The following PRRT4 variants were observed in gnomAD, a reference collection of about 807,000 sequenced individuals.
PRRT4 encodes proline rich transmembrane protein 4.
PRRT4 carries 59 observed loss-of-function variants against 55.6 expected under a neutral mutation model. That is an observed-to-expected ratio of 1.06 (90% confidence interval 0.86 to 1.32). PRRT4 has a LOEUF of 1.32. Among genes scored for constraint, PRRT4 ranks in the 40% most tolerant of loss-of-function variants. The pLI, the probability that PRRT4 is intolerant of heterozygous loss-of-function variation, is 0.00. For synonymous variants in PRRT4, 606 were observed against 601.8 expected (o/e 1.01, Z -0.10); for missense variants, 1,217 against 1,222.0 (o/e 1.00, Z 0.06).
Position 128,358,705 on chromosome 7 carries a change from C to T in PRRT4, c.853G>A (p.Ala285Thr), listed in dbSNP as rs1562969159. The stretch of plus-strand genomic sequence containing the variant: ...CCTAATGATGTTGTTGCAATCGAGG[C>T]AAAACTTAGGGAAGCAGCTGGGTCC... The change falls in exon 4 of 5, where the codon GCC (alanine) becomes ACC (threonine). Residue 285 changes from alanine to threonine, a missense_variant. By Grantham distance (58) the Ala-to-Thr change is moderately conservative. This residue lies in a region of PRRT4 where 564 missense variants were observed against 592.9 expected (regional missense o/e 0.95). Coordinates refer to ENST00000535159, the Ensembl canonical transcript of PRRT4. This position sits in a 1 kb window ranked among gnomAD's most constrained non-coding sequence, Gnocchi z 4.4. The T allele has an allele frequency of 5.2e-6, 8 of 1,551,694 alleles. No homozygotes were observed. Among genetic ancestry groups the T allele is most frequent in the Non-Finnish European group, 6.1e-6 (7 of 1,146,992 alleles).
downstream of PRRT4, chr7:128,350,840 C>T (rs1229023698): frequency 1.3e-6 from 2 of 1,549,334 alleles, no homozygotes; most frequent in Non-Finnish European, 8.7e-7. Flanking sequence ...CGCAGGGTAG[C>T]AAGGTGGCCA....
chr7:128,351,221 C>A lies in PRRT4; in HGVS notation c.2335G>T (p.Glu779Ter). 1.9e-6 allele frequency: 3 copies of A among 1,540,100 alleles called. No homozygotes were observed. The highest frequency in any genetic ancestry group is 2.6e-6 in the Non-Finnish European group (3 of 1,146,592). The change falls in exon 5 of 5, where the codon GAG (glutamate) becomes TAG (stop). Residue 779 changes from glutamate (E) to a stop codon, truncating the protein, a stop_gained. Coordinates refer to ENST00000535159, the Ensembl canonical transcript of PRRT4. LOFTEE classifies it high-confidence loss of function. The stretch of plus-strand genomic sequence containing the variant: ...GGGGGCGCAGCGGGGCCAGAGGCCT[C>A]CCCTGATCTCTCACTGGCCCTGCCC...
At chr7:128,359,722 G>A in exon 2 of PRRT4, 1 of 1,551,546 alleles carries the variant, frequency 6.4e-7, no homozygotes, top group Non-Finnish European at 8.7e-7. Flanking sequence ...TCAGCCCACT[G>A]GCCACCTCTT....
chr7:128,354,959 T>C (rs970684095), intron 4 of PRRT4, among the ~76,000 whole-genome samples: 7 of 152,220 alleles, frequency 4.6e-5, no homozygotes, highest in African/African-American at 1.2e-4. Flanking sequence ...TGTGTCGTTA[T>C]CATGATCATC....
chr7:128,351,543 G>T (rs2116439396), exon 5 of PRRT4: 1 of 1,482,398 alleles, frequency 6.7e-7, no homozygotes, highest in Non-Finnish European at 8.9e-7. Context: ...GCAGCTCCGC[G>T]TCCCCGCGAG....
At chr7:128,361,463 G>GC in intron 1 of PRRT4, 41 bp from the exon 2 acceptor site, 1 of 153,368 alleles carries the variant, frequency 6.5e-6, no homozygotes, top group South Asian at 1.8e-4. Context: ...CGGACCTCCA[G>GC]CCCCCGGCGG....
rs1562969828 is a variant in PRRT4 at position 128,359,555 on chromosome 7, TA to T, written c.436del (p.Tyr146IlefsTer8). ...GGTCACAGTGCTCCTCCTGGGCTGA[TA>T]GGGGGCAGTGGGCCCATCGCTGGGC... On this transcript the variant is annotated frameshift_variant, in exon 2 of 5. Coordinates refer to ENST00000535159, the Ensembl canonical transcript of PRRT4. LOFTEE classifies it high-confidence loss of function. 13 of 1,492,092 alleles carry T rather than the reference TA, an allele frequency of 8.7e-6. No homozygotes were observed. Among genetic ancestry groups the T allele is most frequent in the African/African-American group, 1.4e-5 (1 of 70,940 alleles). The allele number at this position is 1,492,092 out of a possible 1,614,324, so 92.4% of individuals were successfully genotyped here. A position where few individuals can be genotyped will look rare whatever the true frequency, so the allele number is the denominator to read the frequency against.
chr7:128,357,236 ACTCTCTCTCTCTCT>A (rs60699919), intron 4 of PRRT4, among the ~76,000 whole-genome samples: 27 of 140,886 alleles, frequency 1.9e-4, no homozygotes, highest in Non-Finnish European at 2.5e-4. Context: ...ACACACACAC[ACTCTCTCTCTCTCT>A]CTCTCTCTCT....
intron 4 of PRRT4, among the ~76,000 whole-genome samples, chr7:128,357,381 G>C (rs1468934364): frequency 6.6e-6 from 1 of 152,080 alleles, no homozygotes; most frequent in African/African-American, 2.4e-5. Flanking sequence ...AGGGAGGAGG[G>C]GGAATGAGGT....
At position 128,352,290 on chromosome 7, in the gene PRRT4, A is replaced by T; in HGVS notation, c.1266T>A (p.Tyr422Ter). 6.5e-7 allele frequency: 1 copy of T among 1,543,632 alleles called. No homozygotes were observed. Among genetic ancestry groups the T allele is most frequent in the South Asian group, 1.2e-5 (1 of 84,042 alleles). The stretch of plus-strand genomic sequence containing the variant: ...GCGCGGGCAGTCGATCCCTGTGCCC[A>T]TAGGCGTCGTAGAAGAGCGGGAAGG... The change falls in exon 5 of 5, where the codon TAT becomes TAA. Residue 422 changes from tyrosine (Y) to a stop codon, truncating the protein, a stop_gained. Coordinates refer to ENST00000535159, the Ensembl canonical transcript of PRRT4. LOFTEE classifies it high-confidence loss of function.
At chr7:128,360,708 T>C (rs1281646797) in intron 1 of PRRT4, among the ~76,000 whole-genome samples, 7 of 148,600 alleles carry the variant, frequency 4.7e-5, no homozygotes, top group African/African-American at 1.7e-4. Flanking sequence ...TTCCCTTCCC[T>C]AGGACCCTTG....
intron 4 of PRRT4, among the ~76,000 whole-genome samples, chr7:128,355,915 A>C (rs1021019682): frequency 2.6e-5 from 4 of 152,118 alleles, no homozygotes; most frequent in African/African-American, 4.8e-5. Flanking sequence ...AGGAAACCTT[A>C]TCTCTCATCT....
At chr7:128,351,224 C>T in exon 5 of PRRT4, 1 of 1,540,114 alleles carries the variant, frequency 6.5e-7, no homozygotes, top group Admixed American at 2.0e-5. Context: ...GAGGCCTCCC[C>T]TGATCTCTCA....
exon 5 of PRRT4, chr7:128,352,381 CACCGCCAGGGCA>C: frequency 6.6e-7 from 1 of 1,524,330 alleles, no homozygotes; most frequent in Non-Finnish European, 8.8e-7. Flanking sequence ...GCCGGGCGGG[CACCGCCAGGGCA>C]AGAGGGCCAG....
intron 4 of PRRT4, among the ~76,000 whole-genome samples, chr7:128,353,817 T>G (rs1797052894): frequency 6.6e-6 from 1 of 152,208 alleles, no homozygotes; most frequent in Non-Finnish European, 1.5e-5. Flanking sequence ...GTTTGCTATC[T>G]TGGGTCCCTA....
intron 4 of PRRT4, among the ~76,000 whole-genome samples, chr7:128,356,750 A>G (rs1797119545): frequency 6.6e-6 from 1 of 152,222 alleles, no homozygotes; most frequent in South Asian, 2.1e-4. Flanking sequence ...CTGATTATCC[A>G]CCAGCTGCCC....
exon 5 of PRRT4, chr7:128,351,617 G>C (rs1407983608): frequency 6.6e-7 from 1 of 1,510,544 alleles, no homozygotes; most frequent in South Asian, 1.2e-5. Context: ...GGCAGCAGCG[G>C]AGCCGCGTGG....
chr7:128,357,272 G>C (rs185487714), intron 4 of PRRT4, among the ~76,000 whole-genome samples: 2 of 137,852 alleles, frequency 1.5e-5, no homozygotes, highest in Non-Finnish European at 1.6e-5. Context: ...TCTCTCTGCT[G>C]GCAAGAGCAA....
chr7:128,350,834 G>A (rs1562964690), downstream of PRRT4: 4 of 1,548,464 alleles, frequency 2.6e-6, no homozygotes, highest in Admixed American at 2.0e-5. Context: ...GCATATCGCA[G>A]GGTAGCAAGG....
Sources: allele counts gnomAD v4.1 joint callset (sites outside exome capture counted in the v4.1 genomes callset), GRCh38; gene constraint gnomAD v4.1.1; regional missense constraint gnomAD v4.1.1; non-coding constraint Gnocchi (gnomAD v3.1); transcripts MANE v1.5; gene names NCBI Gene and HGNC (gene_info 2026-07-23, HGNC 2026-07-21).